PDE5A: variants seen among roughly 807,000 people sequenced by gnomAD.
The protein encoded by PDE5A is cGMP-specific 3',5'-cyclic phosphodiesterase.
PDE5A carries 67 observed loss-of-function variants against 110.2 expected under a neutral mutation model. The observed-to-expected ratio is 0.61, with a 90% CI of 0.50 to 0.75. The LOEUF (loss-of-function observed/expected upper bound fraction) is 0.75, where lower values mean the gene tolerates loss of function less well. Among genes scored for constraint, PDE5A ranks in the 30% least tolerant of loss-of-function variants. The pLI, the probability that PDE5A is intolerant of heterozygous loss-of-function variation, is 0.00. For synonymous variants in PDE5A, 328 were observed against 351.2 expected (o/e 0.93, Z 0.74); for missense variants, 862 against 1,045.1 (o/e 0.82, Z 2.42).
intron 12 of PDE5A, among the ~76,000 whole-genome samples, chr4:119,521,850 A>C (rs1394048263): frequency 6.6e-6 from 1 of 152,026 alleles, no homozygotes; most frequent in Non-Finnish European, 1.5e-5. Context: ...CATGGGCCCT[A>C]AACATGGTCT....
chr4:119,544,454 C>T (rs1055558606), intron 9 of PDE5A, among the ~76,000 whole-genome samples: 1 of 151,986 alleles, frequency 6.6e-6, no homozygotes, highest in Non-Finnish European at 1.5e-5. Context: ...AAAACAAGAA[C>T]AAAAAGCAAA....
At chr4:119,499,133 A>G (rs1404720990) in intron 20 of PDE5A, among the ~76,000 whole-genome samples, 1 of 152,210 alleles carries the variant, frequency 6.6e-6, no homozygotes, top group African/African-American at 2.4e-5. Context: ...CAATGTACTT[A>G]AATAGGCTTT....
At chr4:119,532,063 A>G (rs1726560566) in intron 11 of PDE5A, among the ~76,000 whole-genome samples, 2 of 152,136 alleles carry the variant, frequency 1.3e-5, no homozygotes. Context: ...TCATCATTTT[A>G]AGGGAAAAGA....
chr4:119,542,850 G>A (rs182347622), intron 9 of PDE5A, among the ~76,000 whole-genome samples: 25 of 152,024 alleles, frequency 1.6e-4, no homozygotes, highest in South Asian at 4.1e-4. Context: ...CATTGCTGGC[G>A]TTCAAAAAAT....
intron 3 of PDE5A, among the ~76,000 whole-genome samples, chr4:119,579,000 C>G (rs1728488096): frequency 6.6e-6 from 1 of 151,804 alleles, no homozygotes. Flanking sequence ...AAGAAAAAAA[C>G]AAACAACCCC....
chr4:119,538,160 T>TA (rs1260752030), intron 11 of PDE5A, among the ~76,000 whole-genome samples: 2 of 152,136 alleles, frequency 1.3e-5, no homozygotes, highest in Non-Finnish European at 2.9e-5. Context: ...ATAACATAGT[T>TA]ATGAAGTTTA....
chr4:119,594,667 T>C (rs1422150666), intron 3 of PDE5A, among the ~76,000 whole-genome samples: 1 of 152,220 alleles, frequency 6.6e-6, no homozygotes, highest in Admixed American at 6.5e-5. Flanking sequence ...ACTTAGTTAA[T>C]TAAACTAATT....
chr4:119,544,366 G>A (rs986309897), intron 9 of PDE5A, among the ~76,000 whole-genome samples: 1 of 152,062 alleles, frequency 6.6e-6, no homozygotes, highest in Non-Finnish European at 1.5e-5. Flanking sequence ...AATGAATTTG[G>A]ACACTGCAAG....
At chr4:119,501,049 T>C (rs1284433723) in intron 20 of PDE5A, 121 bp downstream of exon 20, 1 of 622,574 alleles carries the variant, frequency 1.6e-6, no homozygotes, top group Non-Finnish European at 2.8e-6. Context: ...ACCATACTGC[T>C]AATAATTTTA....
Position 119,585,288 on chromosome 4 carries a change from A to C in PDE5A, c.831+11235T>G, listed in dbSNP as rs1030126169. 4.5e-4 allele frequency among the ~76,000 whole-genome samples: 69 copies of C among 152,142 alleles called. 4 individuals are homozygous for C. Among genetic ancestry groups the C allele is most frequent in the Non-Finnish European group, 8.8e-5 (6 of 68,022 alleles). On this transcript the variant is annotated intron_variant, in intron 3 of 20. Transcript: ENST00000354960. ...GAAACTCTGTCTCAAAAAAAAAAAAAAAAAGTCTTTTAATACCTCAATAGT... is the reference window on the plus strand; with the variant it reads ...GAAACTCTGTCTCAAAAAAAAAAAACAAAAGTCTTTTAATACCTCAATAGT...
rs777285381 is a variant in PDE5A, at chr4:119,606,966, G to T, written c.484C>A (p.His162Asn). 6.2e-6 allele frequency: 10 copies of T among 1,614,160 alleles called. No homozygotes were observed. Among genetic ancestry groups the T allele is most frequent in the Non-Finnish European group, 8.5e-6 (10 of 1,180,004 alleles). The change falls in exon 2 of 21, where the codon CAT (histidine) becomes AAT (asparagine). Residue 162 changes from histidine to asparagine, a missense_variant. His to Asn is a moderately conservative substitution (Grantham distance 68). Coordinates refer to ENST00000354960, the MANE Select transcript of PDE5A (RefSeq NM_001083.4). ...LLELVKDISS[H>N]LDVTALCHKI... is the part of the protein sequence containing the mutation. ...TGACATAAGGCTGTGACATCCAAATGACTAGAAATATCCTTCACTAATTCC... is the reference window on the plus strand; with the variant it reads ...TGACATAAGGCTGTGACATCCAAATTACTAGAAATATCCTTCACTAATTCC...
intron 10 of PDE5A, 37 bp downstream of exon 10, chr4:119,542,422 G>A: frequency 6.3e-7 from 1 of 1,591,376 alleles, no homozygotes; most frequent in South Asian, 1.1e-5. Context: ...ATGAGGGTTT[G>A]GCTGTACAGT....
intron 12 of PDE5A, among the ~76,000 whole-genome samples, chr4:119,523,055 A>G (rs1296300067): frequency 6.6e-6 from 1 of 152,098 alleles, no homozygotes; most frequent in Non-Finnish European, 1.5e-5. Context: ...GTAAATAAAC[A>G]TAAAATTGAG....
intron 11 of PDE5A, among the ~76,000 whole-genome samples, chr4:119,535,807 A>G (rs1726707026): frequency 6.6e-6 from 1 of 152,186 alleles, no homozygotes; most frequent in Non-Finnish European, 1.5e-5. Context: ...AGGCGTAAAT[A>G]TTTAGTAGAT....
At chr4:119,617,383 C>T (rs978095104) in intron 1 of PDE5A, among the ~76,000 whole-genome samples, 6 of 152,206 alleles carry the variant, frequency 3.9e-5, no homozygotes, top group African/African-American at 9.6e-5. Flanking sequence ...CACACACACA[C>T]GCACACACGT....
rs1726275648 is a variant in PDE5A, at chr4:119,525,386, A to G, written c.1779+163T>C. Among the ~76,000 whole-genome samples, 1 of 152,106 alleles carries G rather than the reference A, an allele frequency of 6.6e-6. No individual in the cohort carries two copies. Among genetic ancestry groups the G allele is most frequent in the Admixed American group, 6.6e-5 (1 of 15,236 alleles). Reference sequence around the variant, plus strand: ...CCCATTAAATGTCTTTTTGATAATGATAATTTTTCTTTAAAAGTCTCGGGT... The same window carrying G: ...CCCATTAAATGTCTTTTTGATAATGGTAATTTTTCTTTAAAAGTCTCGGGT... On this transcript the variant is annotated intron_variant, in intron 12 of 20. Transcript: ENST00000354960. This position sits in a 1 kb window ranked among gnomAD's most constrained non-coding sequence, Gnocchi z 4.3.
intron 14 of PDE5A, among the ~76,000 whole-genome samples, chr4:119,514,580 C>A (rs1725850441): frequency 6.6e-6 from 1 of 151,842 alleles, no homozygotes; most frequent in Non-Finnish European, 1.5e-5. Flanking sequence ...AATTCTCTGA[C>A]CTCCTTGACA....
intron 9 of PDE5A, among the ~76,000 whole-genome samples, chr4:119,546,026 G>A (rs1031569619): frequency 6.6e-6 from 1 of 152,040 alleles, no homozygotes; most frequent in African/African-American, 2.4e-5. Flanking sequence ...GCTTTTAAAA[G>A]AGGCTTCCTC....
At chr4:119,622,737 G>A (rs1013869237) in intron 1 of PDE5A, among the ~76,000 whole-genome samples, 1 of 151,784 alleles carries the variant, frequency 6.6e-6, no homozygotes, top group African/African-American at 2.4e-5. Context: ...GCTGGGTGTG[G>A]TGGTGGGCAC....
Sources: allele counts gnomAD v4.1 joint callset (sites outside exome capture counted in the v4.1 genomes callset), GRCh38; gene constraint gnomAD v4.1.1; non-coding constraint Gnocchi (gnomAD v3.1); transcripts MANE v1.5; gene names NCBI Gene and HGNC (gene_info 2026-07-23, HGNC 2026-07-21).